Variants in TENM4 observed in about 807,000 individuals in gnomAD.
The protein encoded by TENM4 is teneurin-4.
In TENM4, 82 loss-of-function variants were observed where a neutral mutation model predicts 243.3. The observed-to-expected ratio is 0.34, with a 90% CI of 0.28 to 0.40. The LOEUF is 0.40. Among genes scored for constraint, TENM4 ranks in the 10% least tolerant of loss-of-function variants. The probability of loss-of-function intolerance (pLI) is 1.00; values close to 1 mark genes in which losing one functional copy is unlikely to be tolerated. For missense variants in TENM4, 3,138 were observed against 3,673.3 expected (o/e 0.85, Z 3.77); for synonymous variants, 1,412 against 1,456.3 (o/e 0.97, Z 0.69).
At chr11:79,117,469 G>A (rs568983616) in intron 4 of TENM4, among the ~76,000 whole-genome samples, 1 of 152,310 alleles carries the variant, frequency 6.6e-6, no homozygotes, top group African/African-American at 2.4e-5. Flanking sequence ...GCTGGGACTG[G>A]AAGGGCTATC....
intron 12 of TENM4, among the ~76,000 whole-genome samples, chr11:78,823,347 T>A (rs1414438336): frequency 6.6e-6 from 1 of 152,200 alleles, no homozygotes; most frequent in Non-Finnish European, 1.5e-5. Context: ...GCTGAGCACC[T>A]GACCCAAGCC....
intron 9 of TENM4, among the ~76,000 whole-genome samples, chr11:78,864,433 C>CAAAAAAAAAA (rs145489804): frequency 1.1e-4 from 4 of 36,212 alleles, no homozygotes; most frequent in African/African-American, 5.3e-4. Context: ...GACTCCGTCT[C>CAAAAAAAAAA]AAAAAAAAAA....
At chr11:79,406,479 C>T (rs1366860990) in intron 1 of TENM4, among the ~76,000 whole-genome samples, 1 of 152,154 alleles carries the variant, frequency 6.6e-6, no homozygotes, top group Non-Finnish European at 1.5e-5. Flanking sequence ...TAAATACCTA[C>T]CAGTGCCAAA....
chr11:78,973,846 G>C (rs1211305392), intron 6 of TENM4, among the ~76,000 whole-genome samples: 4 of 151,798 alleles, frequency 2.6e-5, no homozygotes, highest in Non-Finnish European at 5.9e-5. Flanking sequence ...AAATAGCATG[G>C]TCAGGGAAGC....
intron 6 of TENM4, among the ~76,000 whole-genome samples, chr11:78,992,704 T>C (rs963143732): frequency 6.6e-5 from 10 of 152,150 alleles, no homozygotes; most frequent in Non-Finnish European, 1.2e-4. Flanking sequence ...AGGTTGTGAG[T>C]AGGAAGTAGA....
At chr11:79,158,089 T>A (rs1026414624) in intron 3 of TENM4, among the ~76,000 whole-genome samples, 1 of 152,236 alleles carries the variant, frequency 6.6e-6, no homozygotes, top group Admixed American at 6.5e-5. Flanking sequence ...ACCCTCCTCC[T>A]GCACTCTGGG....
At position 78,729,393 on chromosome 11, in the gene TENM4, C is replaced by A; in HGVS notation, c.3389G>T (p.Gly1130Val). ...KTDVYNQKVF[G>V]LSEAFVSVGY... ...AGGCTTACCAAAGGCTTCTGAAAGC[C>A]CAAACACCTTCTGGTTGTAGACGTC... Residue 1130 changes from glycine (G) to valine (V), a missense_variant, in exon 22 of 34, where the codon GGG becomes GTG. Around this residue, in one of 2 missense-constraint regions of TENM4, gnomAD observed 2,467 missense variants for 3,059.1 expected, o/e 0.81. Coordinates refer to ENST00000278550, the MANE Select transcript of TENM4 (RefSeq NM_001098816.3). 1 of 1,579,046 alleles carries A rather than the reference C, an allele frequency of 6.3e-7. No individual in the cohort carries two copies. Among genetic ancestry groups the A allele is most frequent in the Non-Finnish European group, 8.6e-7 (1 of 1,161,190 alleles).
intron 18 of TENM4, among the ~76,000 whole-genome samples, chr11:78,764,896 C>A (rs1030766587): frequency 3.9e-5 from 6 of 151,960 alleles, no homozygotes; most frequent in African/African-American, 1.5e-4. Flanking sequence ...AATGCTTAAA[C>A]TGAATCTGGA....
chr11:78,784,902 T>C (rs937853297), intron 16 of TENM4, among the ~76,000 whole-genome samples: 1 of 149,826 alleles, frequency 6.7e-6, no homozygotes, highest in Non-Finnish European at 1.5e-5. Flanking sequence ...AAGGGAGAGG[T>C]TCCCTAAGAT....
At chr11:78,685,190 C>T (rs1858636303) in intron 29 of TENM4, among the ~76,000 whole-genome samples, 1 of 152,164 alleles carries the variant, frequency 6.6e-6, no homozygotes, top group African/African-American at 2.4e-5. Flanking sequence ...TTGCTGAATC[C>T]ACATATGTCC....
At chr11:79,423,362 G>A (rs1858977982) in intron 1 of TENM4, among the ~76,000 whole-genome samples, 1 of 150,520 alleles carries the variant, frequency 6.6e-6, no homozygotes, top group African/African-American at 2.5e-5. Context: ...CTACGGCAAA[G>A]TTCCACTAAA....
chr11:79,270,998 C>T (rs1225817295), intron 2 of TENM4, among the ~76,000 whole-genome samples: 1 of 152,132 alleles, frequency 6.6e-6, no homozygotes, highest in East Asian at 1.9e-4. Flanking sequence ...CCCACAGTCA[C>T]AAAAGGTTTG....
intron 3 of TENM4, among the ~76,000 whole-genome samples, chr11:79,178,421 C>A (rs1031430719): frequency 6.6e-6 from 1 of 151,954 alleles, no homozygotes; most frequent in East Asian, 1.9e-4. Context: ...GAAAGAAGAG[C>A]CCTGGGGCAC....
chr11:79,185,529 G>A (rs988424278), intron 3 of TENM4, among the ~76,000 whole-genome samples: 3 of 152,118 alleles, frequency 2.0e-5, no homozygotes, highest in South Asian at 4.1e-4. Flanking sequence ...TATCACCAGC[G>A]AATGGCATGG....
intron 4 of TENM4, among the ~76,000 whole-genome samples, chr11:79,078,713 T>C (rs527342804): frequency 6.6e-6 from 1 of 152,324 alleles, no homozygotes; most frequent in African/African-American, 2.4e-5. Flanking sequence ...AGTGAGACAG[T>C]GATTATAATA....
At chr11:79,043,156 T>C (rs548763733) in intron 6 of TENM4, among the ~76,000 whole-genome samples, 15 of 152,332 alleles carry the variant, frequency 9.8e-5, no homozygotes, top group Admixed American at 9.8e-4. Context: ...CAACACATTG[T>C]TGGATTCCCT....
chr11:79,415,287 C>T (rs541496949), intron 1 of TENM4, among the ~76,000 whole-genome samples: 1 of 152,312 alleles, frequency 6.6e-6, no homozygotes, highest in Admixed American at 6.5e-5. Flanking sequence ...TTTGGAAGCA[C>T]TCATGTCTAT....
chr11:79,094,577 T>TG (rs1861033723), intron 4 of TENM4, among the ~76,000 whole-genome samples: 1 of 151,982 alleles, frequency 6.6e-6, no homozygotes, highest in African/African-American at 2.4e-5. Context: ...CAGTAGGCAT[T>TG]GGGGGGTGGG....
chr11:78,807,585 C>T (rs976694772), intron 14 of TENM4, among the ~76,000 whole-genome samples: 2 of 152,222 alleles, frequency 1.3e-5, no homozygotes, highest in African/African-American at 4.8e-5. Flanking sequence ...GAGGTCGATT[C>T]ATGTTCTTTC....
Sources: allele counts gnomAD v4.1 joint callset (sites outside exome capture counted in the v4.1 genomes callset), GRCh38; gene constraint gnomAD v4.1.1; regional missense constraint gnomAD v4.1.1; transcripts MANE v1.5; gene names NCBI Gene and HGNC (gene_info 2026-07-23, HGNC 2026-07-21).